TNRC18: variants seen among roughly 807,000 people sequenced by gnomAD.
TNRC18 encodes the protein trinucleotide repeat-containing gene 18 protein.
TNRC18 carries 69 observed loss-of-function variants against 226.7 expected under a neutral mutation model. That is an observed-to-expected ratio of 0.30 (90% confidence interval 0.25 to 0.37). The LOEUF (loss-of-function observed/expected upper bound fraction) is 0.37. TNRC18 is among the 10% of genes least tolerant of loss of function. The pLI is 1.00. For synonymous variants in TNRC18, 2,449 were observed against 1,927.6 expected, an observed-to-expected ratio of 1.27 and a Z score of -7.09; for missense variants, 4,754 against 4,256.6, an observed-to-expected ratio of 1.12 and a Z score of -3.25.
chr7:5,361,177 C>T (rs1002420869), intron 14 of TNRC18, among the ~76,000 whole-genome samples: 6 of 152,224 alleles, frequency 3.9e-5, no homozygotes, highest in African/African-American at 7.2e-5. Context: ...GCCCTGGTCT[C>T]GGGGCAAGCC....
At chr7:5,418,186 G>A (rs542088267) in intron 2 of TNRC18, among the ~76,000 whole-genome samples, 155 of 152,288 alleles carry the variant, frequency 1.0e-3, no homozygotes, top group African/African-American at 3.5e-3. Flanking sequence ...CAAGCCCAGA[G>A]CACAGAGCCA....
Position 5,388,262 on chromosome 7 carries a change from G to T in TNRC18, c.1562C>A (p.Thr521Lys). ...KPFELGNFAA[T>K]QMAVLAAQHH... is the part of the protein sequence containing the mutation. ...CTGCGCGGCCAGCACGGCCATCTGC[G>T]TGGCGGCGAAGTTGCCCAGCTCGAA... The change falls in exon 5 of 30, where the codon ACG becomes AAG. Residue 521 changes from threonine to lysine, a missense_variant. Physicochemically the swap from Thr to Lys is moderately conservative, Grantham distance 78. Coordinates refer to ENST00000430969, the MANE Select transcript of TNRC18 (RefSeq NM_001080495.3). The T allele has an allele frequency of 6.2e-7, 1 of 1,608,946 alleles. No homozygotes were observed. The highest frequency in any genetic ancestry group is 8.5e-7 in the Non-Finnish European group (1 of 1,178,400).
intron 16 of TNRC18, among the ~76,000 whole-genome samples, chr7:5,353,216 G>A (rs1792013549): frequency 6.6e-6 from 1 of 152,172 alleles, no homozygotes; most frequent in South Asian, 2.1e-4. Flanking sequence ...GGCTAAGTGG[G>A]TGACAACCAA....
At chr7:5,399,988 C>A (rs1015567651) in intron 2 of TNRC18, among the ~76,000 whole-genome samples, 1 of 152,024 alleles carries the variant, frequency 6.6e-6, no homozygotes, top group Non-Finnish European at 1.5e-5. Context: ...CTCCCGGGCT[C>A]AAGCAATCGC....
Position 5,312,942 on chromosome 7 carries a change from G to A in TNRC18, c.7949C>T (p.Ser2650Phe), listed in dbSNP as rs1787390950. The A allele has an allele frequency of 2.9e-6, 4 of 1,391,208 alleles. No homozygotes were observed. The highest frequency in any genetic ancestry group is 1.4e-5 in the African/African-American group (1 of 70,226). The allele number at this position is 1,391,208 out of a possible 1,614,324, so 86.2% of individuals were successfully genotyped here. ...TGAGGACGAGGAAGAGGAGGAGGAG[G>A]AAGAGGAGGAAGACGAAGAGGAAGA... ...SSSSSSSSSS[S>F]SSSSSSSSSS... The change falls in exon 27 of 30, where the codon TCC becomes TTC. Residue 2650 changes from serine to phenylalanine, a missense_variant. By Grantham distance (155) the Ser-to-Phe change is radical. Transcript: ENST00000430969. This position sits in a 1 kb window ranked among gnomAD's most constrained non-coding sequence, Gnocchi z 6.3.
chr7:5,414,762 CCA>C lies in TNRC18; in HGVS notation c.187+6296_187+6297del, dbSNP rs560755469. ...AGAACAAGGACATTCTCTTACAGAACCACACACAGTTATCCACTTCATAAAAC... is the reference window on the plus strand; with the variant it reads ...AGAACAAGGACATTCTCTTACAGAACCACACAGTTATCCACTTCATAAAAC... On this transcript the variant is annotated intron_variant, in intron 2 of 29. Transcript: ENST00000430969. Among the ~76,000 whole-genome samples, 50 of 152,300 alleles carry C rather than the reference CCA, an allele frequency of 3.3e-4. No individual in the cohort carries two copies. The Middle Eastern group carries it at 0.01, about 31-fold the overall frequency.
intron 18 of TNRC18, among the ~76,000 whole-genome samples, chr7:5,338,043 G>C (rs911540958): frequency 9.2e-5 from 14 of 152,146 alleles, no homozygotes; most frequent in Admixed American, 7.9e-4. Context: ...GATACCATGT[G>C]AAAAAGTATT....
chr7:5,371,241 G>C lies in TNRC18; in HGVS notation c.3353C>G (p.Ala1118Gly). Reference sequence around the variant, plus strand: ...GAGTGCCAGGCGCTCGGGCCCATCAGCCGGGAGCGGCACATCAGGGGCCAA... The same window carrying C: ...GAGTGCCAGGCGCTCGGGCCCATCACCCGGGAGCGGCACATCAGGGGCCAA... ...DGLAPDVPLP[A>G]DGPERLALSP... The change falls in exon 11 of 30, where the codon GCT becomes GGT. Residue 1118 changes from alanine to glycine, a missense_variant. By Grantham distance (60) the Ala-to-Gly change is moderately conservative. Transcript: ENST00000430969. The C allele has an allele frequency of 1.2e-6, 2 of 1,604,018 alleles. No individual in the cohort carries two copies. The highest frequency in any genetic ancestry group is 1.3e-5 in the African/African-American group (1 of 74,872).
At chr7:5,348,424 T>A (rs1264391907) in intron 17 of TNRC18, among the ~76,000 whole-genome samples, 1 of 152,072 alleles carries the variant, frequency 6.6e-6, no homozygotes, top group African/African-American at 2.4e-5. Context: ...TAGGCTCGGA[T>A]AGACAGACGG....
intron 4 of TNRC18, 143 bp downstream of exon 4, chr7:5,390,342 T>TA (rs1780193036): frequency 2.2e-6 from 2 of 896,566 alleles, no homozygotes; most frequent in Admixed American, 6.7e-5. Context: ...CTGGGCAACA[T>TA]AGTGAGACCC....
At chr7:5,395,064 C>G (rs920005512) in intron 2 of TNRC18, among the ~76,000 whole-genome samples, 1 of 152,168 alleles carries the variant, frequency 6.6e-6, no homozygotes, top group Admixed American at 6.5e-5. Flanking sequence ...GGACACCCAC[C>G]CTCCAGCCAG....
chr7:5,339,614 G>T (rs1019423400), intron 18 of TNRC18, among the ~76,000 whole-genome samples: 8 of 151,202 alleles, frequency 5.3e-5, no homozygotes, highest in African/African-American at 1.7e-4. Flanking sequence ...ACCCAGGATG[G>T]AGGGCAGTGC....
In TNRC18 at chr7:5,376,991, A is replaced by G. The variant is rs1209768690; in HGVS notation, c.2464T>C (p.Leu822=). The change falls in exon 8 of 30, where the codon TTG becomes CTG. Residue 822 remains leucine (L), a splice_region_variant and synonymous_variant. Coordinates refer to ENST00000430969, the MANE Select transcript of TNRC18 (RefSeq NM_001080495.3). Reference sequence around the variant, plus strand: ...CCCTGGTGCAGAGATGGGGGACCCAAGCCTAGGAGGAGAAGCCCAGGCCTG... The same window carrying G: ...CCCTGGTGCAGAGATGGGGGACCCAGGCCTAGGAGGAGAAGCCCAGGCCTG... ...SMWLAGHPYG[L]GPPSLHQGMA... is the part of the protein sequence containing the mutation. 6.3e-7 allele frequency: 1 copy of G among 1,577,220 alleles called. No homozygotes were observed. Among genetic ancestry groups the G allele is most frequent in the Non-Finnish European group, 8.6e-7 (1 of 1,161,890 alleles).
intron 17 of TNRC18, 144 bp from the exon 18 acceptor site, chr7:5,345,954 C>T: frequency 7.9e-7 from 1 of 1,261,490 alleles, no homozygotes; most frequent in Non-Finnish European, 1.1e-6. Context: ...GGATGCAGAC[C>T]CAGCCCACGG....
At chr7:5,378,992 G>C (rs940182852) in intron 5 of TNRC18, among the ~76,000 whole-genome samples, 1 of 151,702 alleles carries the variant, frequency 6.6e-6, no homozygotes, top group Non-Finnish European at 1.5e-5. Flanking sequence ...TCAGGAGTTC[G>C]AGACCAGCCT....
rs1264651887 is a variant in TNRC18 at position 5,378,077 on chromosome 7, G to C, written c.2153-53C>G. 8 of 1,509,360 alleles carry C rather than the reference G, an allele frequency of 5.3e-6. No homozygotes were observed. The East Asian group carries it at 1.8e-4, about 34-fold the overall frequency. 93.5% of individuals were successfully genotyped at this position (1,509,360 alleles called of 1,614,324 possible). On this transcript the variant is annotated intron_variant, in intron 5 of 29. Transcript: ENST00000430969. Reference sequence around the variant, plus strand: ...CCCAGCCAGCACCGAGCCCATCCCAGACCCATTGGCCCCACTGCCCTCACC... The same window carrying C: ...CCCAGCCAGCACCGAGCCCATCCCACACCCATTGGCCCCACTGCCCTCACC...
At chr7:5,322,707 T>A (rs1376162402) in intron 21 of TNRC18, among the ~76,000 whole-genome samples, 5 of 152,212 alleles carry the variant, frequency 3.3e-5, no homozygotes, top group Non-Finnish European at 5.9e-5. Context: ...TCCCTCTCCC[T>A]GCCCCTGCCA....
Position 5,374,308 on chromosome 7 carries a change from C to G in TNRC18, c.2976G>C (p.Pro992=). The G allele has an allele frequency of 6.9e-7, 1 of 1,444,734 alleles. No homozygotes were observed. Among genetic ancestry groups the G allele is most frequent in the Non-Finnish European group, 9.1e-7 (1 of 1,103,760 alleles). The allele number at this position is 1,444,734 out of a possible 1,614,324, so 89.5% of individuals were successfully genotyped here. A position where few individuals can be genotyped will look rare whatever the true frequency, so the allele number is the denominator to read the frequency against. The part of the protein sequence containing the change: ...PAGTYGKAVS[P]PPSPRASPVA... ...CAGGGGATGCGCGGGGTGATGGTGG[C>G]GGGCTCACGGCCTTGCCGTAGGTGC... The change falls in exon 10 of 30, where the codon CCG becomes CCC. Residue 992 remains proline (P), a synonymous_variant. Transcript: ENST00000430969.
chr7:5,377,539 G>T lies in TNRC18; in HGVS notation c.2293C>A (p.Pro765Thr). 1 of 1,590,150 alleles carries T rather than the reference G, an allele frequency of 6.3e-7. No homozygotes were observed. The highest frequency in any genetic ancestry group is 1.3e-5 in the African/African-American group (1 of 74,608). ...KELADLARLH[P>T]TSCAPNGLNP... is the part of the protein sequence containing the mutation. ...AGGCCGTTAGGAGCACAGCTGGTAG[G>T]GTGCAGGCGGGCCAGGTCAGCCAGC... The change falls in exon 7 of 30, where the codon CCT (proline) becomes ACT (threonine). Residue 765 changes from proline (P) to threonine (T), a missense_variant. Physicochemically the swap from Pro to Thr is conservative, Grantham distance 38. Coordinates refer to ENST00000430969, the MANE Select transcript of TNRC18 (RefSeq NM_001080495.3). This position sits in a 1 kb window ranked among gnomAD's most constrained non-coding sequence, Gnocchi z 5.8.
Sources: allele counts gnomAD v4.1 joint callset (sites outside exome capture counted in the v4.1 genomes callset), GRCh38; gene constraint gnomAD v4.1.1; non-coding constraint Gnocchi (gnomAD v3.1); transcripts MANE v1.5; gene names NCBI Gene and HGNC (gene_info 2026-07-23, HGNC 2026-07-21).